PGM5: variants seen among roughly 807,000 people sequenced by gnomAD.
PGM5 encodes phosphoglucomutase-like protein 5.
In PGM5, 23 loss-of-function variants were observed where a neutral mutation model predicts 59.2. The ratio of observed to expected loss-of-function variants is 0.39; its 90% CI spans 0.28 to 0.55. The LOEUF is 0.55. Ranked by LOEUF, PGM5 falls within the 20% of genes least tolerant of loss-of-function variation. PGM5 has a pLI of 0.66. For missense variants in PGM5, 574 were observed against 748.3 expected, an observed-to-expected ratio of 0.77 and a Z score of 2.72; for synonymous variants, 214 against 286.0, an observed-to-expected ratio of 0.75 and a Z score of 2.54.
intron 10 of PGM5, among the ~76,000 whole-genome samples, chr9:68,506,814 C>G (rs1462068412): frequency 6.6e-6 from 1 of 152,050 alleles, no homozygotes; most frequent in Admixed American, 6.6e-5. Context: ...TATGTGTGTA[C>G]ATGCATGTGT....
intron 10 of PGM5, among the ~76,000 whole-genome samples, chr9:68,525,913 G>A (rs961578257): frequency 2.0e-5 from 3 of 151,978 alleles, no homozygotes; most frequent in African/African-American, 4.8e-5. Context: ...AAAATTATCC[G>A]AGCATGGTGG....
At chr9:68,529,088 T>C (rs1825037152) in intron 10 of PGM5, among the ~76,000 whole-genome samples, 1 of 152,092 alleles carries the variant, frequency 6.6e-6, no homozygotes, top group South Asian at 2.1e-4. Flanking sequence ...AATGAATTGG[T>C]CTGTCATTTC....
chr9:68,440,298 G>A (rs546148285), intron 6 of PGM5, among the ~76,000 whole-genome samples: 1 of 152,108 alleles, frequency 6.6e-6, no homozygotes, highest in South Asian at 2.1e-4. Context: ...CAAGTGCATG[G>A]AGCATTCACC....
At chr9:68,421,288 T>C (rs1823125057) in intron 6 of PGM5, among the ~76,000 whole-genome samples, 1 of 152,200 alleles carries the variant, frequency 6.6e-6, no homozygotes, top group African/African-American at 2.4e-5. Flanking sequence ...TGGGTCCTGT[T>C]GGGTGGCTCC....
intron 7 of PGM5, among the ~76,000 whole-genome samples, chr9:68,470,478 G>A (rs1554686153): frequency 6.6e-6 from 1 of 152,310 alleles, no homozygotes; most frequent in East Asian, 1.9e-4. Flanking sequence ...TGAAGATTGG[G>A]TTCACAATAG....
intron 6 of PGM5, among the ~76,000 whole-genome samples, chr9:68,439,706 T>TAC (rs1210124249): frequency 6.7e-5 from 10 of 148,332 alleles, no homozygotes; most frequent in East Asian, 2.0e-4. Context: ...TATATATATA[T>TAC]ACACACACAC....
At chr9:68,487,083 C>A (rs1180719967) in intron 9 of PGM5, among the ~76,000 whole-genome samples, 1 of 152,096 alleles carries the variant, frequency 6.6e-6, no homozygotes, top group Non-Finnish European at 1.5e-5. Flanking sequence ...TCAGAGGAGA[C>A]ATAATACTGC....
intron 6 of PGM5, among the ~76,000 whole-genome samples, chr9:68,393,302 C>T (rs1357959022): frequency 6.6e-6 from 1 of 150,810 alleles, no homozygotes; most frequent in Non-Finnish European, 1.5e-5. Flanking sequence ...TATACATATA[C>T]ATTATATGCA....
chr9:68,520,759 A>G (rs1824890065), intron 10 of PGM5, among the ~76,000 whole-genome samples: 1 of 152,256 alleles, frequency 6.6e-6, no homozygotes, highest in Non-Finnish European at 1.5e-5. Flanking sequence ...TGCTAAAGAA[A>G]AAACCTGGAC....
chr9:68,505,261 GGC>G (rs1824636262), intron 10 of PGM5, among the ~76,000 whole-genome samples: 1 of 152,158 alleles, frequency 6.6e-6, no homozygotes, highest in South Asian at 2.1e-4. Flanking sequence ...TTGAGTCCAA[GGC>G]TACCTCTGGA....
chr9:68,359,949 A>G (rs1366065538), intron 1 of PGM5, among the ~76,000 whole-genome samples: 2 of 152,084 alleles, frequency 1.3e-5, no homozygotes, highest in African/African-American at 4.8e-5. Flanking sequence ...GATTCAGGTG[A>G]TCTTCCCACC....
At chr9:68,430,258 T>C (rs994046362) in intron 6 of PGM5, among the ~76,000 whole-genome samples, 1 of 152,216 alleles carries the variant, frequency 6.6e-6, no homozygotes, top group South Asian at 2.1e-4. Context: ...CGTAGAGTGA[T>C]TGTTTCTGTT....
At chr9:68,444,207 G>A (rs1052167245) in intron 6 of PGM5, among the ~76,000 whole-genome samples, 1 of 151,996 alleles carries the variant, frequency 6.6e-6, no homozygotes, top group Non-Finnish European at 1.5e-5. Flanking sequence ...GTAGAGTGGT[G>A]GGCATTGAGG....
intron 6 of PGM5, among the ~76,000 whole-genome samples, chr9:68,412,359 G>T (rs1472511422): frequency 1.3e-5 from 2 of 152,186 alleles, no homozygotes; most frequent in African/African-American, 4.8e-5. Context: ...CCTTACACAT[G>T]ATGCTTCATG....
At chr9:68,505,913 G>C (rs1184487813) in intron 10 of PGM5, among the ~76,000 whole-genome samples, 2 of 152,106 alleles carry the variant, frequency 1.3e-5, no homozygotes, top group African/African-American at 2.4e-5. Flanking sequence ...CTGGCAGCCA[G>C]CCCTCCACCT....
Position 68,415,797 on chromosome 9 carries a change from A to ATCTATCTG in PGM5, c.1043+23331_1043+23332insGTCTATCT, listed in dbSNP as rs1416944730. Among the ~76,000 whole-genome samples, 23 of 111,292 alleles carry ATCTATCTG rather than the reference A, an allele frequency of 2.1e-4. 2 individuals are homozygous for ATCTATCTG. The highest frequency in any genetic ancestry group is 7.1e-4 in the South Asian group (2 of 2,802). 73.0% of individuals were successfully genotyped at this position (111,292 alleles called of 152,430 possible). Reference sequence around the variant, plus strand: ...GCAGGGAATATCTATCTATCTATCTATCTATCTATCTATCTATCTTATCTA... The same window carrying ATCTATCTG: ...GCAGGGAATATCTATCTATCTATCTATCTATCTGTCTATCTATCTATCTATCTTATCTA... On this transcript the variant is annotated intron_variant, in intron 6 of 10. Transcript: ENST00000396396.
At chr9:68,467,084 C>T (rs556826744) in intron 7 of PGM5, among the ~76,000 whole-genome samples, 1 of 152,266 alleles carries the variant, frequency 6.6e-6, no homozygotes, top group African/African-American at 2.4e-5. Flanking sequence ...AGGGCTTCAT[C>T]CTTGTCTCCC....
At chr9:68,423,157 C>T (rs1016733712) in intron 6 of PGM5, among the ~76,000 whole-genome samples, 5 of 151,896 alleles carry the variant, frequency 3.3e-5, no homozygotes, top group Non-Finnish European at 7.3e-5. Flanking sequence ...CATGTTTTTC[C>T]TATTGTGAAT....
chr9:68,425,735 T>C (rs1255687952), intron 6 of PGM5, among the ~76,000 whole-genome samples: 1 of 152,202 alleles, frequency 6.6e-6, no homozygotes, highest in Non-Finnish European at 1.5e-5. Context: ...GAATCAATTG[T>C]GTTCATTGGC....
Sources: allele counts gnomAD v4.1 joint callset (sites outside exome capture counted in the v4.1 genomes callset), GRCh38; gene constraint gnomAD v4.1.1; transcripts MANE v1.5; gene names NCBI Gene and HGNC (gene_info 2026-07-23, HGNC 2026-07-21).